The following DCC variants were observed in gnomAD, a reference collection of about 807,000 sequenced individuals.
DCC encodes netrin receptor DCC.
DCC carries 58 observed loss-of-function variants against 172.5 expected under a neutral mutation model. The observed-to-expected ratio is 0.34, with a 90% CI of 0.27 to 0.42. The LOEUF is 0.42. DCC is among the 10% of genes least tolerant of loss of function. The probability of loss-of-function intolerance (pLI) is 1.00; values close to 1 mark genes in which losing one functional copy is unlikely to be tolerated. For missense variants in DCC, 1,740 were observed against 1,791.0 expected (o/e 0.97, Z 0.51); for synonymous variants, 709 against 644.5 (o/e 1.10, Z -1.52).
intron 1 of DCC, among the ~76,000 whole-genome samples, chr18:52,490,299 G>T (rs992782017): frequency 6.6e-6 from 1 of 152,106 alleles, no homozygotes; most frequent in African/African-American, 2.4e-5. Flanking sequence ...TCTTGCAAAA[G>T]AGATGACCCT....
intron 12 of DCC, among the ~76,000 whole-genome samples, chr18:53,251,477 T>C (rs1381741018): frequency 6.6e-6 from 1 of 152,012 alleles, no homozygotes; most frequent in Non-Finnish European, 1.5e-5. Flanking sequence ...ATATGATTTG[T>C]GCATTTATAT....
intron 2 of DCC, among the ~76,000 whole-genome samples, chr18:52,807,750 T>G (rs2145240998): frequency 6.6e-6 from 1 of 152,354 alleles, no homozygotes; most frequent in East Asian, 1.9e-4. Flanking sequence ...TTACCAACTC[T>G]ACTGCAAACA....
rs544514840 is a variant in DCC at position 52,802,612 on chromosome 18, G to A, written c.412+50238G>A. ...TCCTGTTTCAGCTTTCTGAGTAATC[G>A]GAACCACAGGTACACATCACCACGC... On this transcript the variant is annotated intron_variant, in intron 2 of 28. Coordinates refer to ENST00000442544, the MANE Select transcript of DCC (RefSeq NM_005215.4). Among the ~76,000 whole-genome samples, 17 of 128,906 alleles carry A rather than the reference G, an allele frequency of 1.3e-4. 1 individual carries two copies. Among genetic ancestry groups the A allele is most frequent in the South Asian group, 2.5e-4 (1 of 3,936 alleles). The allele number at this position is 128,906 out of a possible 152,430, so 84.6% of individuals were successfully genotyped here. A position where few individuals can be genotyped will look rare whatever the true frequency, so the allele number is the denominator to read the frequency against.
At chr18:53,020,252 GCTT>G (rs2041861384) in intron 5 of DCC, among the ~76,000 whole-genome samples, 1 of 152,010 alleles carries the variant, frequency 6.6e-6, no homozygotes, top group African/African-American at 2.4e-5. Context: ...CATACTTTTG[GCTT>G]GATTTGGCCA....
In DCC at chr18:53,351,418, C is replaced by CTGTATATATATATATAT. The variant is rs2057806104; in HGVS notation, c.2359+11511_2359+11512insTGTATATATATATATAT. Among the ~76,000 whole-genome samples the CTGTATATATATATATAT allele has an allele frequency of 7.8e-4, 15 of 19,280 alleles. 1 individual carries two copies. The highest frequency in any genetic ancestry group is 2.7e-3 in the African/African-American group (11 of 4,054). The allele number at this position is 19,280 out of a possible 152,430, so 12.6% of individuals were successfully genotyped here. A position where few individuals can be genotyped will look rare whatever the true frequency, so the allele number is the denominator to read the frequency against. On this transcript the variant is annotated intron_variant, in intron 15 of 28. Transcript: ENST00000442544. ...TATACAGTGTATATATATATATATA[C>CTGTATATATATATATAT]ACACTGTGTATATATATATACAGTG...
intron 1 of DCC, among the ~76,000 whole-genome samples, chr18:52,749,740 T>TAAAC (rs1023836273): frequency 2.0e-5 from 3 of 152,208 alleles, no homozygotes; most frequent in Non-Finnish European, 4.4e-5. Context: ...CATGCTGTCA[T>TAAAC]AAACAGCTGT....
At chr18:52,579,981 G>C (rs556187473) in intron 1 of DCC, among the ~76,000 whole-genome samples, 4 of 152,286 alleles carry the variant, frequency 2.6e-5, no homozygotes, top group Middle Eastern at 3.4e-3. Flanking sequence ...GAATTAATAA[G>C]AGCACATATG....
At chr18:52,406,640 G>A (rs1568154967) in intron 1 of DCC, among the ~76,000 whole-genome samples, 2 of 152,000 alleles carry the variant, frequency 1.3e-5, no homozygotes, top group African/African-American at 4.8e-5. Context: ...ATGATAAAGG[G>A]CTAGCTAATC....
chr18:53,101,244 T>C (rs1328811555), intron 7 of DCC, among the ~76,000 whole-genome samples: 11 of 152,026 alleles, frequency 7.2e-5, no homozygotes, highest in African/African-American at 2.7e-4. Flanking sequence ...TCTCTGGAGG[T>C]GTCTTGGGCA....
intron 15 of DCC, among the ~76,000 whole-genome samples, chr18:53,380,133 A>T (rs1001284536): frequency 2.6e-5 from 4 of 152,154 alleles, no homozygotes; most frequent in African/African-American, 9.6e-5. Flanking sequence ...AATCATCATG[A>T]TAATATTAAA....
intron 15 of DCC, among the ~76,000 whole-genome samples, chr18:53,342,988 AAT>A (rs2144877797): frequency 6.6e-6 from 1 of 151,086 alleles, no homozygotes; most frequent in South Asian, 2.1e-4. Flanking sequence ...GGTATTTATA[AAT>A]GTGTAGAATA....
intron 1 of DCC, among the ~76,000 whole-genome samples, chr18:52,728,586 A>G (rs1382425419): frequency 6.6e-6 from 1 of 152,234 alleles, no homozygotes; most frequent in Non-Finnish European, 1.5e-5. Flanking sequence ...GTTAAGATAG[A>G]TGCATTGTAA....
chr18:53,281,733 C>T (rs749639840), intron 12 of DCC, among the ~76,000 whole-genome samples: 4 of 149,414 alleles, frequency 2.7e-5, no homozygotes, highest in African/African-American at 4.9e-5. Context: ...ATTTACCCCA[C>T]AGAAATTGGC....
rs56305719 is a variant in DCC, at chr18:53,351,458, C to T, written c.2359+11551C>T. ...TATATACAGTGTATATATATATATACACAGTGTGTATATATATATATATAT... is the reference window on the plus strand; with the variant it reads ...TATATACAGTGTATATATATATATATACAGTGTGTATATATATATATATAT... On this transcript the variant is annotated intron_variant, in intron 15 of 28. Coordinates refer to ENST00000442544, the MANE Select transcript of DCC (RefSeq NM_005215.4). Among the ~76,000 whole-genome samples the T allele has an allele frequency of 9.1e-4, 22 of 24,282 alleles. 1 individual carries two copies. Among genetic ancestry groups the T allele is most frequent in the East Asian group, 2.5e-3 (2 of 812 alleles). The allele number at this position is 24,282 out of a possible 152,430, so 15.9% of individuals were successfully genotyped here.
chr18:52,535,104 C>T (rs972690957), intron 1 of DCC, among the ~76,000 whole-genome samples: 4 of 152,156 alleles, frequency 2.6e-5, no homozygotes, highest in African/African-American at 9.7e-5. Flanking sequence ...ACTGCATGAA[C>T]GAGTTATAGC....
At chr18:52,463,219 A>G (rs970962428) in intron 1 of DCC, among the ~76,000 whole-genome samples, 9 of 151,916 alleles carry the variant, frequency 5.9e-5, no homozygotes, top group African/African-American at 2.2e-4. Flanking sequence ...ATCCTTTCTT[A>G]TTTCTGATTG....
chr18:52,481,366 C>T (rs1010075680), intron 1 of DCC, among the ~76,000 whole-genome samples: 2 of 149,764 alleles, frequency 1.3e-5, no homozygotes, highest in African/African-American at 4.8e-5. Context: ...GTGGTGCTTT[C>T]CACCTTACAA....
intron 1 of DCC, among the ~76,000 whole-genome samples, chr18:52,579,615 T>G (rs1227088151): frequency 6.6e-6 from 1 of 152,202 alleles, no homozygotes; most frequent in East Asian, 1.9e-4. Flanking sequence ...CTGTATCTTA[T>G]AAACCAAGAA....
At chr18:53,157,579 T>C in intron 8 of DCC, 67 bp downstream of exon 8, 1 of 1,541,616 alleles carries the variant, frequency 6.5e-7, no homozygotes, top group Admixed American at 1.7e-5. Context: ...GGTTGGGTAA[T>C]GGCAGGAGGA....
Sources: allele counts gnomAD v4.1 joint callset (sites outside exome capture counted in the v4.1 genomes callset), GRCh38; gene constraint gnomAD v4.1.1; transcripts MANE v1.5; gene names NCBI Gene and HGNC (gene_info 2026-07-23, HGNC 2026-07-21).